Variants in KCNQ1 observed in about 807,000 individuals in gnomAD.
KCNQ1 encodes the protein potassium voltage-gated channel subfamily KQT member 1.
Under a neutral mutation model 72.4 loss-of-function variants are expected in KCNQ1, and 49 were observed. The ratio of observed to expected loss-of-function variants is 0.68; its 90% CI spans 0.54 to 0.86. KCNQ1 has a LOEUF of 0.86. Among genes scored for constraint, KCNQ1 ranks in the 40% least tolerant of loss-of-function variants. The probability of loss-of-function intolerance (pLI) is 0.00; values close to 1 mark genes in which losing one functional copy is unlikely to be tolerated. For synonymous variants in KCNQ1, 450 were observed against 412.6 expected, an observed-to-expected ratio of 1.09 and a Z score of -1.10; for missense variants, 790 against 945.1, an observed-to-expected ratio of 0.84 and a Z score of 2.15.
In KCNQ1 at chr11:2,544,147, T is replaced by A. The variant is rs1847864655; in HGVS notation, c.477+16129T>A. ...TGGTAGAATTTTGTTTGGGATTGCATTCAACCTAAAGATCAACATGGGGAG... is the reference window on the plus strand; with the variant it reads ...TGGTAGAATTTTGTTTGGGATTGCAATCAACCTAAAGATCAACATGGGGAG... On this transcript the variant is annotated intron_variant, in intron 2 of 15. Coordinates refer to ENST00000155840, the MANE Select transcript of KCNQ1 (RefSeq NM_000218.3). This position sits in a 1 kb window ranked among gnomAD's most constrained non-coding sequence, Gnocchi z 4.4. Among the ~76,000 whole-genome samples, 1 of 152,042 alleles carries A rather than the reference T, an allele frequency of 6.6e-6. No individual in the cohort carries two copies. The highest frequency in any genetic ancestry group is 2.4e-5 in the African/African-American group (1 of 41,398).
rs1329961035 is a variant in KCNQ1, at chr11:2,572,124, T to C, written c.780+15T>C. ...TCCACCGCCAGGTGGGTGGCCCGGGTTAGGGGTGCGGGGCCCAGGTTGGGG... is the reference window on the plus strand; with the variant it reads ...TCCACCGCCAGGTGGGTGGCCCGGGCTAGGGGTGCGGGGCCCAGGTTGGGG... On this transcript the variant is annotated intron_variant, in intron 5 of 15. Coordinates refer to ENST00000155840, the MANE Select transcript of KCNQ1 (RefSeq NM_000218.3). The C allele has an allele frequency of 5.0e-6, 8 of 1,600,668 alleles. No homozygotes were observed. Among genetic ancestry groups the C allele is most frequent in the Non-Finnish European group, 6.0e-6 (7 of 1,171,252 alleles).
chr11:2,524,757 G>A (rs1265431546), intron 1 of KCNQ1, among the ~76,000 whole-genome samples: 2 of 152,218 alleles, frequency 1.3e-5, no homozygotes, highest in Admixed American at 6.5e-5. Context: ...TCCCTCCACA[G>A]CCTGGGAAGA....
chr11:2,655,377 G>A (rs1434377031), intron 10 of KCNQ1: 10 of 398,570 alleles, frequency 2.5e-5, no homozygotes, highest in Non-Finnish European at 4.4e-5. Flanking sequence ...TCTTAGGAAA[G>A]TGTGACTTCA....
chr11:2,592,264 C>T lies in KCNQ1; in HGVS notation c.1393+3410C>T, dbSNP rs118091806. On this transcript the variant is annotated intron_variant, in intron 10 of 15. Transcript: ENST00000155840. The surrounding 1 kb of genome is among the most constrained non-coding windows in gnomAD (Gnocchi z 5.2). Reference sequence around the variant, plus strand: ...GGGCCATGTGGGGAACTCCTGAGGACACCTGTGTGTCCTGACACCTCACTG... The same window carrying T: ...GGGCCATGTGGGGAACTCCTGAGGATACCTGTGTGTCCTGACACCTCACTG... 6.1e-3 allele frequency among the ~76,000 whole-genome samples: 935 copies of T among 152,332 alleles called. 8 individuals are homozygous for T. Among genetic ancestry groups the T allele is most frequent in the Middle Eastern group, 0.014 (4 of 294 alleles).
At chr11:2,633,428 A>G in intron 10 of KCNQ1, 1 of 398,512 alleles carries the variant, frequency 2.5e-6, no homozygotes, top group Non-Finnish European at 4.4e-6. Flanking sequence ...ATAAAGTCTT[A>G]CCCATAAAAT....
In KCNQ1 at chr11:2,663,534, A is replaced by T. The variant is rs1367043329; in HGVS notation, c.1514+1453A>T. ...TTGCCTCTTGGCTGTCCCCTCAGAG[A>T]GGGGACTGTCCCTTCTCATCCTTCT... On this transcript the variant is annotated intron_variant, in intron 11 of 15. Coordinates refer to ENST00000155840, the MANE Select transcript of KCNQ1 (RefSeq NM_000218.3). This position sits in a 1 kb window ranked among gnomAD's most constrained non-coding sequence, Gnocchi z 5.2. The T allele has an allele frequency of 2.5e-6, 1 of 398,422 alleles. No homozygotes were observed. The highest frequency in any genetic ancestry group is 4.4e-6 in the Non-Finnish European group (1 of 226,074). 24.7% of individuals were successfully genotyped at this position (398,422 alleles called of 1,614,324 possible). A position where few individuals can be genotyped will look rare whatever the true frequency, so the allele number is the denominator to read the frequency against.
rs187114800 is a variant in KCNQ1, at chr11:2,536,565, C to T, written c.477+8547C>T. Among the ~76,000 whole-genome samples the T allele has an allele frequency of 1.4e-3, 215 of 152,300 alleles. 1 individual carries two copies. The highest frequency in any genetic ancestry group is 1.9e-3 in the Non-Finnish European group (132 of 68,010). On this transcript the variant is annotated intron_variant, in intron 2 of 15. Coordinates refer to ENST00000155840, the MANE Select transcript of KCNQ1 (RefSeq NM_000218.3). This position sits in a 1 kb window ranked among gnomAD's most constrained non-coding sequence, Gnocchi z 7.4. ...GGTAACATGTGATTTTGAGGCCACC[C>T]GCTACAGCTTCTTGGGACCTCCCTC...
At position 2,661,929 on chromosome 11, in the gene KCNQ1, C is replaced by T; in HGVS notation, c.1394-32C>T. 8.1e-6 allele frequency: 13 copies of T among 1,613,952 alleles called. No individual in the cohort carries two copies. The highest frequency in any genetic ancestry group is 1.1e-5 in the Non-Finnish European group (13 of 1,179,994). On this transcript the variant is annotated intron_variant, in intron 10 of 15. Coordinates refer to ENST00000155840, the MANE Select transcript of KCNQ1 (RefSeq NM_000218.3). The surrounding 1 kb of genome is among the most constrained non-coding windows in gnomAD (Gnocchi z 5.9). ...CAGCACTGGCAGGTTGGGTGGGAGGCCTAACGTGCTGTCCCCACACTTTCT... is the reference window on the plus strand; with the variant it reads ...CAGCACTGGCAGGTTGGGTGGGAGGTCTAACGTGCTGTCCCCACACTTTCT...
chr11:2,714,077 C>T (rs531425692), intron 11 of KCNQ1, among the ~76,000 whole-genome samples: 33 of 152,228 alleles, frequency 2.2e-4, no homozygotes, highest in African/African-American at 7.2e-4. Flanking sequence ...GCCAAGGATG[C>T]GGGCCAGGAC....
In KCNQ1 at chr11:2,486,256, G is replaced by A. The variant is rs910952198; in HGVS notation, c.386+40772G>A. Among the ~76,000 whole-genome samples the A allele has an allele frequency of 3.9e-5, 6 of 152,140 alleles. No individual in the cohort carries two copies. The highest frequency in any genetic ancestry group is 1.4e-4 in the African/African-American group (6 of 41,422). On this transcript the variant is annotated intron_variant, in intron 1 of 15. Transcript: ENST00000155840. The surrounding 1 kb of genome is among the most constrained non-coding windows in gnomAD (Gnocchi z 5.0). Reference sequence around the variant, plus strand: ...ACATTTTCTTATGAGTAGTGATGTTGAGTATCTTTTCATGCTCTTATTAGC... The same window carrying A: ...ACATTTTCTTATGAGTAGTGATGTTAAGTATCTTTTCATGCTCTTATTAGC...
At chr11:2,568,821 C>A (rs905471047) in intron 2 of KCNQ1, among the ~76,000 whole-genome samples, 4 of 152,124 alleles carry the variant, frequency 2.6e-5, no homozygotes, top group Admixed American at 6.6e-5. Flanking sequence ...ACCCACACCC[C>A]CCCCATGAGG....
chr11:2,537,870 C>T lies in KCNQ1; in HGVS notation c.477+9852C>T, dbSNP rs919340776. ...AGCTGGGACTGTGGGTGCGTGCCAC[C>T]ATGCCCCGCTAATTTTTGTATTTTT... On this transcript the variant is annotated intron_variant, in intron 2 of 15. Coordinates refer to ENST00000155840, the MANE Select transcript of KCNQ1 (RefSeq NM_000218.3). This position sits in a 1 kb window ranked among gnomAD's most constrained non-coding sequence, Gnocchi z 5.2. Among the ~76,000 whole-genome samples, 8 of 152,220 alleles carry T rather than the reference C, an allele frequency of 5.3e-5. No individual in the cohort carries two copies. In the East Asian group the frequency reaches 1.2e-3, roughly 22 times the overall value.
intron 10 of KCNQ1, among the ~76,000 whole-genome samples, chr11:2,604,765 G>C (rs189581205): frequency 6.6e-6 from 1 of 151,976 alleles, no homozygotes; most frequent in Non-Finnish European, 1.5e-5. Flanking sequence ...AGATGGTCTC[G>C]ATCTCCTGAC....
In KCNQ1 at chr11:2,724,591, C is replaced by T. The variant is rs751391772; in HGVS notation, c.1515-44253C>T. Among the ~76,000 whole-genome samples, 37 of 152,206 alleles carry T rather than the reference C, an allele frequency of 2.4e-4. No individual in the cohort carries two copies. The highest frequency in any genetic ancestry group is 4.1e-4 in the Non-Finnish European group (28 of 68,034). Reference sequence around the variant, plus strand: ...GGACCCCACTAGGAACCCCTTCCCGCGGAAACACAGCTTCTCCCCTTGGGT... The same window carrying T: ...GGACCCCACTAGGAACCCCTTCCCGTGGAAACACAGCTTCTCCCCTTGGGT... On this transcript the variant is annotated intron_variant, in intron 11 of 15. Transcript: ENST00000155840. This position sits in a 1 kb window ranked among gnomAD's most constrained non-coding sequence, Gnocchi z 6.8.
chr11:2,647,754 C>T lies in KCNQ1; in HGVS notation c.1394-14207C>T, dbSNP rs1849688244. On this transcript the variant is annotated intron_variant, in intron 10 of 15. Coordinates refer to ENST00000155840, the MANE Select transcript of KCNQ1 (RefSeq NM_000218.3). This position sits in a 1 kb window ranked among gnomAD's most constrained non-coding sequence, Gnocchi z 4.0. ...TATATGTCCAGGAATTTATCTCTTTCCTCTAGGTTTTCTAATTGTTGACAT... is the reference window on the plus strand; with the variant it reads ...TATATGTCCAGGAATTTATCTCTTTTCTCTAGGTTTTCTAATTGTTGACAT... 1 of 398,266 alleles carries T rather than the reference C, an allele frequency of 2.5e-6. No homozygotes were observed. The highest frequency in any genetic ancestry group is 1.3e-4 in the South Asian group (1 of 7,850). 24.7% of individuals were successfully genotyped at this position (398,266 alleles called of 1,614,324 possible).
At chr11:2,570,098 T>G (rs114339307) in intron 2 of KCNQ1, among the ~76,000 whole-genome samples, 6,739 of 151,654 alleles carry the variant, frequency 0.044, 500 homozygotes, top group African/African-American at 0.16. Context: ...CACCCGGGGT[T>G]CCTGGCGTGG....
chr11:2,611,373 C>A lies in KCNQ1; in HGVS notation c.1393+22519C>A, dbSNP rs182683863. ...TAGCTGGGACTACAGGCATTTGCCA[C>A]CATACCCAGCTAATTTTTAGTAGAG... On this transcript the variant is annotated intron_variant, in intron 10 of 15. Coordinates refer to ENST00000155840, the MANE Select transcript of KCNQ1 (RefSeq NM_000218.3). This position sits in a 1 kb window ranked among gnomAD's most constrained non-coding sequence, Gnocchi z 5.3. 47 of 397,416 alleles carry A rather than the reference C, an allele frequency of 1.2e-4. 1 individual carries two copies. The highest frequency in any genetic ancestry group is 3.5e-4 in the Admixed American group (8 of 22,708). The allele number at this position is 397,416 out of a possible 1,614,324, so 24.6% of individuals were successfully genotyped here. A position where few individuals can be genotyped will look rare whatever the true frequency, so the allele number is the denominator to read the frequency against.
intron 11 of KCNQ1, chr11:2,693,064 T>C (rs1850614810): frequency 5.0e-6 from 2 of 398,684 alleles, no homozygotes; most frequent in East Asian, 7.1e-5. Context: ...AGGCATCCAG[T>C]TAGCCATAGA....
At chr11:2,574,884 G>A (rs1261728250) in intron 6 of KCNQ1, among the ~76,000 whole-genome samples, 2 of 152,242 alleles carry the variant, frequency 1.3e-5, no homozygotes, top group Non-Finnish European at 2.9e-5. Flanking sequence ...CCCCAGTGTG[G>A]CAGGCCTGAG....
Sources: gnomAD v4.1 joint callset for allele counts (sites outside exome capture counted in the v4.1 genomes callset) on GRCh38, gnomAD v4.1.1 for gene constraint, Gnocchi (gnomAD v3.1) non-coding constraint, MANE v1.5 for transcripts, NCBI Gene and HGNC (gene_info 2026-07-23, HGNC 2026-07-21) for gene names.